DUSP3: variants seen among roughly 807,000 people sequenced by gnomAD.
DUSP3 encodes dual specificity phosphatase 3.
Under a neutral mutation model 15.5 loss-of-function variants are expected in DUSP3, and 7 were observed. The ratio of observed to expected loss-of-function variants is 0.45; its 90% CI spans 0.26 to 0.85. DUSP3 has a LOEUF of 0.85. Among genes scored for constraint, DUSP3 ranks in the 40% least tolerant of loss-of-function variants. The pLI, the probability that DUSP3 is intolerant of heterozygous loss-of-function variation, is 0.18. For missense variants in DUSP3, 209 were observed against 251.7 expected (o/e 0.83, Z 1.15); for synonymous variants, 86 against 104.2 (o/e 0.83, Z 1.07).
chr17:43,776,633 G>A (rs1226673980), intron 1 of DUSP3, among the ~76,000 whole-genome samples: 1 of 152,254 alleles, frequency 6.6e-6, no homozygotes, highest in East Asian at 1.9e-4. Context: ...GCCAAGTCAA[G>A]GTCAGAGGTG....
At chr17:43,777,690 C>T in intron 1 of DUSP3, 4 of 376,446 alleles carry the variant, frequency 1.1e-5, no homozygotes, top group Admixed American at 3.2e-5. Context: ...CTCAGAGTAT[C>T]GTGAAAATCC....
chr17:43,777,219 C>A (rs60908520), intron 1 of DUSP3, among the ~76,000 whole-genome samples: 1 of 152,026 alleles, frequency 6.6e-6, no homozygotes, highest in Non-Finnish European at 1.5e-5. Flanking sequence ...GTGACCCACC[C>A]GCCTCGGCCT....
At chr17:43,777,096 C>T (rs1482695684) in intron 1 of DUSP3, among the ~76,000 whole-genome samples, 3 of 152,022 alleles carry the variant, frequency 2.0e-5, no homozygotes, top group Non-Finnish European at 2.9e-5. Context: ...CCTCAGCCTC[C>T]GGAGTAGCTG....
In DUSP3 at chr17:43,778,964, A is replaced by AGGCGGAGAGCGGCGGATCAGCTG. The variant is rs1974429798; in HGVS notation, c.-41_-40insCAGCTGATCCGCCGCTCTCCGCC. The AGGCGGAGAGCGGCGGATCAGCTG allele has an allele frequency of 2.3e-6, 3 of 1,332,230 alleles. No homozygotes were observed. In the African/African-American group the frequency reaches 4.6e-5, roughly 20 times the overall value. The allele number at this position is 1,332,230 out of a possible 1,614,324, so 82.5% of individuals were successfully genotyped here. A position where few individuals can be genotyped will look rare whatever the true frequency, so the allele number is the denominator to read the frequency against. On this transcript the variant is annotated 5_prime_UTR_variant, in exon 1 of 3. Coordinates refer to ENST00000226004, the MANE Select transcript of DUSP3 (RefSeq NM_004090.4). ...CCTGCACGCCCGGCAGGAGCAAGCG[A>AGGCGGAGAGCGGCGGATCAGCTG]GGCGGAGAGCGGCGGATCAGCTGGG...
intron 2 of DUSP3, among the ~76,000 whole-genome samples, chr17:43,770,015 G>T (rs957209829): frequency 2.0e-5 from 3 of 152,158 alleles, no homozygotes; most frequent in Non-Finnish European, 4.4e-5. Context: ...GCGTGGCTGG[G>T]GGAGGTGAGG....
chr17:43,773,140 A>G (rs4793026), intron 2 of DUSP3, among the ~76,000 whole-genome samples: 37,288 of 152,118 alleles, frequency 0.25, 5,153 homozygotes, highest in African/African-American at 0.37. Context: ...CAGATACTCC[A>G]CAGTAAAGCT....
At position 43,766,171 on chromosome 17, in the gene DUSP3, C is replaced by T. The variant is rs1035016284; in HGVS notation, c.*3438G>A. On this transcript the variant is annotated 3_prime_UTR_variant, in exon 3 of 3. Coordinates refer to ENST00000226004, the MANE Select transcript of DUSP3 (RefSeq NM_004090.4). ...TTTGGCTAAAGTTCTGGTGTTTTAA[C>T]ACTGATTTGTGATACAACGGACATT... is the stretch of plus-strand genomic sequence containing the variant. 2.0e-5 allele frequency: 3 copies of T among 152,578 alleles called. No homozygotes were observed. The highest frequency in any genetic ancestry group is 4.8e-5 in the African/African-American group (2 of 41,436). 9.5% of individuals were successfully genotyped at this position (152,578 alleles called of 1,614,324 possible). A position where few individuals can be genotyped will look rare whatever the true frequency, so the allele number is the denominator to read the frequency against.
In DUSP3 at chr17:43,774,588, T is replaced by C. The variant is rs867889874; in HGVS notation, c.352+124A>G. ...GAGCAGAGAGAGACCTACAGCTCTG[T>C]CGTTCACCCCAGAAGATGGGAAACA... On this transcript the variant is annotated intron_variant, in intron 2 of 2. Transcript: ENST00000226004. 13 of 1,071,186 alleles carry C rather than the reference T, an allele frequency of 1.2e-5. No individual in the cohort carries two copies. In the Middle Eastern group the frequency reaches 2.7e-3, roughly 220 times the overall value. The allele number at this position is 1,071,186 out of a possible 1,614,324, so 66.4% of individuals were successfully genotyped here. A position where few individuals can be genotyped will look rare whatever the true frequency, so the allele number is the denominator to read the frequency against.
Position 43,774,830 on chromosome 17 carries a change from G to A in DUSP3, c.234C>T (p.Tyr78=). ...CCAGGTATGTGATGCCGGAGTCCTT[G>A]TAGAAGTTGGCATTGGTGTTGACGT... The part of the protein sequence containing the change: ...FMHVNTNANF[Y]KDSGITYLGI... Residue 78 remains tyrosine (Y), a synonymous_variant, in exon 2 of 3, where the codon TAC becomes TAT. Transcript: ENST00000226004. 1.9e-6 allele frequency: 3 copies of A among 1,614,188 alleles called. No homozygotes were observed. Among genetic ancestry groups the A allele is most frequent in the Non-Finnish European group, 2.5e-6 (3 of 1,180,038 alleles).
intron 1 of DUSP3, 33 bp from the exon 2 acceptor site, chr17:43,774,971 C>G (rs1202023216): frequency 1.2e-6 from 2 of 1,607,272 alleles, no homozygotes. Flanking sequence ...GATGATTAAC[C>G]AACCAAATGG....
chr17:43,771,830 G>A (rs890074688), intron 2 of DUSP3, among the ~76,000 whole-genome samples: 4 of 152,092 alleles, frequency 2.6e-5, no homozygotes, highest in East Asian at 1.9e-4. Context: ...CCAACATGGC[G>A]AAACCCCGTT....
Position 43,769,435 on chromosome 17 carries a change from A to C in DUSP3, c.*174T>G. ...GACGCCCCCCTTGGCAAGCTTCTTT[A>C]TGTGCTCCCCAGGGTGGGGAAAGTG... On this transcript the variant is annotated 3_prime_UTR_variant, in exon 3 of 3. Coordinates refer to ENST00000226004, the MANE Select transcript of DUSP3 (RefSeq NM_004090.4). 1.5e-6 allele frequency: 1 copy of C among 671,564 alleles called. No individual in the cohort carries two copies. Among genetic ancestry groups the C allele is most frequent in the Non-Finnish European group, 2.4e-6 (1 of 419,250 alleles). 41.6% of individuals were successfully genotyped at this position (671,564 alleles called of 1,614,324 possible).
At chr17:43,771,854 C>T (rs1054621690) in intron 2 of DUSP3, among the ~76,000 whole-genome samples, 1 of 151,922 alleles carries the variant, frequency 6.6e-6, no homozygotes, top group Non-Finnish European at 1.5e-5. Flanking sequence ...ACTAAAAATA[C>T]AAAAAATTAG....
In DUSP3 at chr17:43,767,652, G is replaced by C. The variant is rs980986464; in HGVS notation, c.*1957C>G. The C allele has an allele frequency of 1.3e-5, 2 of 152,218 alleles. No individual in the cohort carries two copies. Among genetic ancestry groups the C allele is most frequent in the African/African-American group, 4.8e-5 (2 of 41,434 alleles). The allele number at this position is 152,218 out of a possible 1,614,324, so 9.4% of individuals were successfully genotyped here. On this transcript the variant is annotated 3_prime_UTR_variant, in exon 3 of 3. Transcript: ENST00000226004. ...TTTACAGGGTTACTGTGAGGCTCAA[G>C]TTAGATTAAGTTGGAAGGCTACCTA...
At position 43,767,038 on chromosome 17, in the gene DUSP3, T is replaced by C. The variant is rs931083143; in HGVS notation, c.*2571A>G. The stretch of plus-strand genomic sequence containing the variant: ...TGAAGAACTAAGAGCTAAATCTTGT[T>C]AAGTAAATACGGGGTTTCAGGGGTG... On this transcript the variant is annotated 3_prime_UTR_variant, in exon 3 of 3. Transcript: ENST00000226004. The C allele has an allele frequency of 2.6e-5, 4 of 152,614 alleles. No homozygotes were observed. The highest frequency in any genetic ancestry group is 5.9e-5 in the Non-Finnish European group (4 of 68,028). 9.5% of individuals were successfully genotyped at this position (152,614 alleles called of 1,614,324 possible). A position where few individuals can be genotyped will look rare whatever the true frequency, so the allele number is the denominator to read the frequency against.
intron 1 of DUSP3, among the ~76,000 whole-genome samples, chr17:43,776,952 AC>A (rs1158459482): frequency 2.7e-5 from 4 of 150,914 alleles, no homozygotes; most frequent in Admixed American, 1.3e-4. Flanking sequence ...TTGAAGAGTC[AC>A]TCCCATTCAT....
rs533810323 is a variant in DUSP3, at chr17:43,768,029, T to G, written c.*1580A>C. 1 of 152,332 alleles carries G rather than the reference T, an allele frequency of 6.6e-6. No homozygotes were observed. Among genetic ancestry groups the G allele is most frequent in the Admixed American group, 6.5e-5 (1 of 15,300 alleles). The allele number at this position is 152,332 out of a possible 1,614,324, so 9.4% of individuals were successfully genotyped here. A position where few individuals can be genotyped will look rare whatever the true frequency, so the allele number is the denominator to read the frequency against. ...AATAGTCAACAAAAGTCCCTGATAT[T>G]TCTTTCGTTTTAGGTAAGACTCCTT... is the stretch of plus-strand genomic sequence containing the variant. On this transcript the variant is annotated 3_prime_UTR_variant, in exon 3 of 3. Transcript: ENST00000226004.
chr17:43,769,452 G>A lies in DUSP3; in HGVS notation c.*157C>T, dbSNP rs1974283162. ...GCTTCTTTATGTGCTCCCCAGGGTG[G>A]GGAAAGTGGCCCAGGACTGTGTTGG... On this transcript the variant is annotated 3_prime_UTR_variant, in exon 3 of 3. Coordinates refer to ENST00000226004, the MANE Select transcript of DUSP3 (RefSeq NM_004090.4). 1 of 799,690 alleles carries A rather than the reference G, an allele frequency of 1.3e-6. No homozygotes were observed. The highest frequency in any genetic ancestry group is 2.0e-5 in the South Asian group (1 of 50,894). The allele number at this position is 799,690 out of a possible 1,614,324, so 49.5% of individuals were successfully genotyped here.
At chr17:43,774,537 CG>C (rs1974361706) in intron 2 of DUSP3, among the ~76,000 whole-genome samples, 174 bp downstream of exon 2, 1 of 152,164 alleles carries the variant, frequency 6.6e-6, no homozygotes, top group Non-Finnish European at 1.5e-5. Context: ...CTGTGACACA[CG>C]GGGCCACTTG....
Sources: allele counts gnomAD v4.1 joint callset (sites outside exome capture counted in the v4.1 genomes callset), GRCh38; gene constraint gnomAD v4.1.1; transcripts MANE v1.5; gene names NCBI Gene and HGNC (gene_info 2026-07-23, HGNC 2026-07-21).